Variants in KCNMB2 observed in about 807,000 individuals in gnomAD.
KCNMB2 encodes the protein calcium-activated potassium channel subunit beta-2.
In KCNMB2, 9 loss-of-function variants were observed where a neutral mutation model predicts 24.5. The observed-to-expected ratio is 0.37, with a 90% CI of 0.22 to 0.64. The LOEUF is 0.64. KCNMB2 is among the 30% of genes least tolerant of loss of function. KCNMB2 has a pLI of 0.63. For missense variants in KCNMB2, 226 were observed against 284.3 expected, an observed-to-expected ratio of 0.79 and a Z score of 1.47; for synonymous variants, 109 against 104.4, an observed-to-expected ratio of 1.04 and a Z score of -0.27.
At chr3:178,759,642 T>C (rs1378573811) in intron 1 of KCNMB2, among the ~76,000 whole-genome samples, 1 of 114,450 alleles carries the variant, frequency 8.7e-6, no homozygotes, top group Non-Finnish European at 1.8e-5. Context: ...AGAGGATATA[T>C]ATATATATAT....
In KCNMB2 at chr3:178,794,250, A is replaced by G. The variant is rs542292853; in HGVS notation, c.-67-13093A>G. Among the ~76,000 whole-genome samples, 21 of 152,120 alleles carry G rather than the reference A, an allele frequency of 1.4e-4. 1 individual carries two copies. The South Asian group carries it at 4.4e-3, about 32-fold the overall frequency. ...TCATTCTGTAGCTTCGTGTTCCCCT[A>G]TCCTAGCTAGTCTCATGGTGCTGGG... On this transcript the variant is annotated intron_variant, in intron 1 of 4. Transcript: ENST00000452583.
chr3:178,750,951 T>TA (rs1374498049), intron 1 of KCNMB2, among the ~76,000 whole-genome samples: 6 of 152,212 alleles, frequency 3.9e-5, no homozygotes, highest in Non-Finnish European at 8.8e-5. Flanking sequence ...ATCGACTTGT[T>TA]ATTTAAGGGA....
intron 1 of KCNMB2, among the ~76,000 whole-genome samples, chr3:178,621,728 C>CAAAATAA (rs368217987): frequency 6.6e-6 from 1 of 151,746 alleles, no homozygotes; most frequent in African/African-American, 2.4e-5. Context: ...TCCTTTTATC[C>CAAAATAA]AAAATAAAAA....
intron 1 of KCNMB2, among the ~76,000 whole-genome samples, chr3:178,624,927 A>G (rs1048141835): frequency 1.3e-4 from 19 of 151,834 alleles, no homozygotes; most frequent in African/African-American, 4.6e-4. Flanking sequence ...GGCTGCCCAG[A>G]GTGAGGGAAA....
intron 1 of KCNMB2, among the ~76,000 whole-genome samples, chr3:178,653,420 A>C (rs1039796069): frequency 2.0e-5 from 3 of 151,964 alleles, no homozygotes; most frequent in Admixed American, 2.0e-4. Context: ...CTTATTCTTT[A>C]TTTATTTTCT....
At chr3:178,842,577 C>T (rs1161117426) in intron 4 of KCNMB2, 76 bp from the exon 5 acceptor site, 5 of 964,500 alleles carry the variant, frequency 5.2e-6, no homozygotes, top group Non-Finnish European at 7.9e-6. Flanking sequence ...CTAATTTGGA[C>T]ACAATACTCC....
intron 1 of KCNMB2, among the ~76,000 whole-genome samples, chr3:178,700,478 G>A (rs906139779): frequency 1.3e-5 from 2 of 152,250 alleles, no homozygotes; most frequent in Non-Finnish European, 2.9e-5. Context: ...TAGATTCAGT[G>A]AAAGGACTTT....
intron 1 of KCNMB2, among the ~76,000 whole-genome samples, chr3:178,731,320 G>A (rs1376846606): frequency 6.6e-6 from 1 of 152,160 alleles, no homozygotes; most frequent in South Asian, 2.1e-4. Flanking sequence ...CAGTGGAGCA[G>A]AAATGATAGA....
chr3:178,581,456 GGCAAA>G (rs1210491345), intron 1 of KCNMB2, among the ~76,000 whole-genome samples: 2 of 152,012 alleles, frequency 1.3e-5, no homozygotes, highest in Non-Finnish European at 2.9e-5. Context: ...CATAGGCTTA[GGCAAA>G]GTCTTCGTGA....
Position 178,844,157 on chromosome 3 carries a change from A to G in KCNMB2, c.*1220A>G, listed in dbSNP as rs1715526306. 2.0e-5 allele frequency: 3 copies of G among 152,664 alleles called. No homozygotes were observed. Among genetic ancestry groups the G allele is most frequent in the Non-Finnish European group, 4.4e-5 (3 of 67,958 alleles). 9.5% of individuals were successfully genotyped at this position (152,664 alleles called of 1,614,324 possible). ...ATTGATTTTAAATAAAAAACATTCC[A>G]TCTTTCATTTAATATCAATATCAAA... is the stretch of plus-strand genomic sequence containing the variant. On this transcript the variant is annotated 3_prime_UTR_variant, in exon 5 of 5. Coordinates refer to ENST00000452583, the MANE Select transcript of KCNMB2 (RefSeq NM_181361.3).
chr3:178,566,288 T>C (rs1716514586), intron 1 of KCNMB2, among the ~76,000 whole-genome samples: 1 of 152,228 alleles, frequency 6.6e-6, no homozygotes, highest in Non-Finnish European at 1.5e-5. Flanking sequence ...ATGTGCAGTT[T>C]ACTAAAGGTA....
At chr3:178,666,716 A>AG (rs1330247837) in intron 1 of KCNMB2, among the ~76,000 whole-genome samples, 1 of 152,174 alleles carries the variant, frequency 6.6e-6, no homozygotes, top group Non-Finnish European at 1.5e-5. Flanking sequence ...AAAAATGCCA[A>AG]GGCAAGGAAT....
At chr3:178,566,149 T>G (rs1716508820) in intron 1 of KCNMB2, among the ~76,000 whole-genome samples, 1 of 152,182 alleles carries the variant, frequency 6.6e-6, no homozygotes, top group South Asian at 2.1e-4. Context: ...GTAATAACAC[T>G]TAGATGTTTC....
intron 1 of KCNMB2, among the ~76,000 whole-genome samples, chr3:178,720,942 G>A (rs1722784131): frequency 6.6e-6 from 1 of 152,062 alleles, no homozygotes; most frequent in Non-Finnish European, 1.5e-5. Flanking sequence ...CACTCTGATG[G>A]TAGTTTCTTT....
intron 1 of KCNMB2, among the ~76,000 whole-genome samples, chr3:178,682,451 C>G: frequency 6.6e-6 from 1 of 152,082 alleles, no homozygotes; most frequent in Non-Finnish European, 1.5e-5. Context: ...CTCAAATCTT[C>G]TATTCAGCAT....
At chr3:178,820,941 T>G (rs1714602834) in intron 2 of KCNMB2, among the ~76,000 whole-genome samples, 1 of 152,208 alleles carries the variant, frequency 6.6e-6, no homozygotes. Context: ...GCCAAGACTA[T>G]CTCAACAGAC....
At chr3:178,657,189 C>A (rs544304501) in intron 1 of KCNMB2, among the ~76,000 whole-genome samples, 2 of 152,340 alleles carry the variant, frequency 1.3e-5, no homozygotes, top group East Asian at 1.9e-4. Flanking sequence ...GTTTTCCCTG[C>A]TGCTACGATC....
At position 178,582,571 on chromosome 3, in the gene KCNMB2, G is replaced by T. The variant is rs1717255824; in HGVS notation, c.-68+45860G>T. On this transcript the variant is annotated intron_variant, in intron 1 of 4. Coordinates refer to ENST00000452583, the MANE Select transcript of KCNMB2 (RefSeq NM_181361.3). ...ATTTTAATTTATTTCCTTAAGACAT[G>T]TCATGTAATTACAAGATAATGGGTT... Among the ~76,000 whole-genome samples, 5 of 152,214 alleles carry T rather than the reference G, an allele frequency of 3.3e-5. No individual in the cohort carries two copies. The South Asian group carries it at 1.0e-3, about 32-fold the overall frequency.
intron 1 of KCNMB2, among the ~76,000 whole-genome samples, chr3:178,777,798 G>A (rs1307664575): frequency 6.6e-6 from 1 of 152,190 alleles, no homozygotes; most frequent in Non-Finnish European, 1.5e-5. Context: ...GGTGCTTATA[G>A]TAATTATTTT....
Sources: gnomAD v4.1 joint callset for allele counts (sites outside exome capture counted in the v4.1 genomes callset) on GRCh38, gnomAD v4.1.1 for gene constraint, MANE v1.5 for transcripts, NCBI Gene and HGNC (gene_info 2026-07-23, HGNC 2026-07-21) for gene names.